ADCK1: variants seen among roughly 807,000 people sequenced by gnomAD.
ADCK1 encodes aarF domain containing kinase 1.
A neutral mutation model predicts 52.3 loss-of-function variants in ADCK1; 41 were observed. The ratio of observed to expected loss-of-function variants is 0.78; its 90% CI spans 0.61 to 1.02. ADCK1 has a LOEUF of 1.02. Among genes scored for constraint, ADCK1 ranks in the 50% least tolerant of loss-of-function variants. The pLI is 0.00. For synonymous variants in ADCK1, 250 were observed against 274.6 expected, an observed-to-expected ratio of 0.91 and a Z score of 0.89; for missense variants, 658 against 679.5, an observed-to-expected ratio of 0.97 and a Z score of 0.35.
chr14:77,852,139 CA>C (rs2082296673), intron 3 of ADCK1, among the ~76,000 whole-genome samples: 1 of 152,120 alleles, frequency 6.6e-6, no homozygotes, highest in South Asian at 2.1e-4. Context: ...GCTGGGACTA[CA>C]GGTGCGCGCC....
chr14:77,856,752 C>G (rs1459766530), intron 3 of ADCK1, among the ~76,000 whole-genome samples: 1 of 152,218 alleles, frequency 6.6e-6, no homozygotes, highest in Non-Finnish European at 1.5e-5. Context: ...TTACATAATC[C>G]TAGCACTTTG....
intron 4 of ADCK1, among the ~76,000 whole-genome samples, chr14:77,881,342 G>T (rs1167334307): frequency 6.6e-6 from 1 of 152,282 alleles, no homozygotes; most frequent in African/African-American, 2.4e-5. Context: ...ACTTCTCCCA[G>T]AGCAAGCAAT....
intron 4 of ADCK1, among the ~76,000 whole-genome samples, chr14:77,885,785 T>G (rs1281482760): frequency 6.6e-6 from 1 of 152,228 alleles, no homozygotes; most frequent in Admixed American, 6.5e-5. Flanking sequence ...GTCTGGACTT[T>G]CCAGGATTGT....
chr14:77,814,695 C>CAAAAAAAAA (rs995163952), intron 1 of ADCK1, among the ~76,000 whole-genome samples: 8 of 35,904 alleles, frequency 2.2e-4, no homozygotes, highest in East Asian at 1.0e-3. Flanking sequence ...AAGACACTCT[C>CAAAAAAAAA]AAAAAAAAAA....
intron 4 of ADCK1, among the ~76,000 whole-genome samples, chr14:77,877,533 T>G (rs1343162035): frequency 6.6e-6 from 1 of 152,214 alleles, no homozygotes; most frequent in Non-Finnish European, 1.5e-5. Context: ...GAGCTGTGGA[T>G]GGGGACCCCT....
intron 10 of ADCK1, 21 bp downstream of exon 10, chr14:77,931,732 C>G (rs1404139071): frequency 1.3e-6 from 2 of 1,592,904 alleles, no homozygotes; most frequent in Non-Finnish European, 1.7e-6. Flanking sequence ...GCTCCTCCCT[C>G]TCCTCCCCTC....
At chr14:77,878,737 T>C (rs764610805) in intron 4 of ADCK1, among the ~76,000 whole-genome samples, 1 of 152,230 alleles carries the variant, frequency 6.6e-6, no homozygotes, top group Non-Finnish European at 1.5e-5. Context: ...AGATCTCTGT[T>C]ACAGGCAGGG....
intron 1 of ADCK1, among the ~76,000 whole-genome samples, chr14:77,814,790 A>G (rs2081409145): frequency 6.6e-6 from 1 of 151,292 alleles, no homozygotes; most frequent in African/African-American, 2.4e-5. Context: ...ATTAAAATGC[A>G]CATTCTTGAA....
intron 3 of ADCK1, among the ~76,000 whole-genome samples, chr14:77,839,918 C>CAAAAAA (rs10581300): frequency 1.4e-5 from 1 of 69,708 alleles, no homozygotes; most frequent in African/African-American, 6.5e-5. Flanking sequence ...GACCCTGTCT[C>CAAAAAA]AAAAAAAAAA....
At chr14:77,896,009 C>T (rs911131899) in intron 5 of ADCK1, among the ~76,000 whole-genome samples, 4 of 152,036 alleles carry the variant, frequency 2.6e-5, no homozygotes, top group South Asian at 4.1e-4. Flanking sequence ...GAAACCAGTT[C>T]GATGAGCACT....
chr14:77,819,068 C>A lies in ADCK1; in HGVS notation c.90C>A (p.Asp30Glu), dbSNP rs945898824. 3.7e-6 allele frequency: 6 copies of A among 1,614,050 alleles called. No individual in the cohort carries two copies. The African/African-American group carries it at 8.0e-5, about 22-fold the overall frequency. ...ACTTCTACAGTAACAAGTACTTGGA[C>A]CCTAATGACTTTGGCGCTGTCAGGG... ...GIYFYSNKYL[D>E]PNDFGAVRVG... is the part of the protein sequence containing the mutation. The change falls in exon 2 of 11, where the codon GAC (aspartate) becomes GAA (glutamate). Residue 30 changes from aspartate (D) to glutamate (E), a missense_variant. Asp to Glu is a conservative substitution (Grantham distance 45). Transcript: ENST00000238561.
intron 5 of ADCK1, among the ~76,000 whole-genome samples, chr14:77,894,993 T>C (rs969788342): frequency 1.3e-5 from 2 of 152,166 alleles, no homozygotes; most frequent in Non-Finnish European, 2.9e-5. Context: ...TCTCAAGTGA[T>C]CTGTCCGTCT....
intron 10 of ADCK1, 31 bp downstream of exon 10, chr14:77,931,742 C>T (rs762518580): frequency 6.3e-7 from 1 of 1,588,538 alleles, no homozygotes; most frequent in South Asian, 1.1e-5. Context: ...CTCCTCCCCT[C>T]CTAGCCCCCT....
intron 1 of ADCK1, among the ~76,000 whole-genome samples, chr14:77,812,061 T>G (rs2140008362): frequency 6.6e-6 from 1 of 152,326 alleles, no homozygotes; most frequent in Non-Finnish European, 1.5e-5. Flanking sequence ...ATTTGATATA[T>G]GTGTACTGTG....
intron 3 of ADCK1, among the ~76,000 whole-genome samples, chr14:77,829,605 A>G (rs1165543087): frequency 1.3e-5 from 2 of 151,442 alleles, no homozygotes; most frequent in African/African-American, 4.8e-5. Context: ...GCAAAAAACT[A>G]TGAAATGATG....
chr14:77,807,214 G>A (rs377289755), intron 1 of ADCK1, among the ~76,000 whole-genome samples: 7,911 of 150,908 alleles, frequency 0.052, 307 homozygotes, highest in East Asian at 0.17. Flanking sequence ...GACTACAGGC[G>A]CCCGCCACCA....
intron 3 of ADCK1, 130 bp from the exon 4 acceptor site, chr14:77,858,946 G>C (rs1399300186): frequency 3.8e-6 from 3 of 792,086 alleles, no homozygotes; most frequent in Non-Finnish European, 6.0e-6. Flanking sequence ...GTGTGCGTGT[G>C]TGTGCATGCA....
At chr14:77,902,624 G>A (rs1287943178) in intron 6 of ADCK1, 1 of 152,210 alleles carries the variant, frequency 6.6e-6, no homozygotes, top group Admixed American at 6.5e-5. Flanking sequence ...CTCATCTAGT[G>A]GAGGGACAGA....
rs372097520 is a variant in ADCK1 at position 77,818,949 on chromosome 14, A to G, written c.-11-19A>G. 46 of 1,609,314 alleles carry G rather than the reference A, an allele frequency of 2.9e-5. No individual in the cohort carries two copies. Among genetic ancestry groups the G allele is most frequent in the Non-Finnish European group, 3.9e-5 (46 of 1,177,950 alleles). ...AACTTTTAACTGCTATTCTTTCTCA[A>G]CTTTCCTTTTTTCTGCAGGATCTGG... On this transcript the variant is annotated intron_variant, in intron 1 of 10. Coordinates refer to ENST00000238561, the MANE Select transcript of ADCK1 (RefSeq NM_020421.4).
Sources: allele counts gnomAD v4.1 joint callset (sites outside exome capture counted in the v4.1 genomes callset), GRCh38; gene constraint gnomAD v4.1.1; transcripts MANE v1.5; gene names NCBI Gene and HGNC (gene_info 2026-07-23, HGNC 2026-07-21).